MCF2L2: variants seen among roughly 807,000 people sequenced by gnomAD.
MCF2L2 encodes probable guanine nucleotide exchange factor MCF2L2.
In MCF2L2, 102 loss-of-function variants were observed where a neutral mutation model predicts 150.2. The observed-to-expected ratio is 0.68, with a 90% confidence interval of 0.58 to 0.80. The LOEUF (loss-of-function observed/expected upper bound fraction) is 0.80. MCF2L2 is among the 30% of genes least tolerant of loss of function. The pLI, the probability that MCF2L2 is intolerant of heterozygous loss-of-function variation, is 0.00. For synonymous variants in MCF2L2, 465 were observed against 491.3 expected, an observed-to-expected ratio of 0.95 and a Z score of 0.71; for missense variants, 1,256 against 1,372.8, an observed-to-expected ratio of 0.91 and a Z score of 1.34.
In MCF2L2 at chr3:183,205,887, T is replaced by C; in HGVS notation, c.2873A>G (p.Asn958Ser). 5 of 1,613,582 alleles carry C rather than the reference T, an allele frequency of 3.1e-6. No individual in the cohort carries two copies. The highest frequency in any genetic ancestry group is 4.2e-6 in the Non-Finnish European group (5 of 1,179,490). Residue 958 changes from asparagine to serine, a missense_variant, in exon 25 of 30, where the codon AAT (asparagine) becomes AGT (serine). By Grantham distance (46) the Asn-to-Ser change is conservative (BLOSUM62 1). Transcript: ENST00000328913. ...EISKLLMEQQ[N>S]NIKDQGNPQF... The stretch of plus-strand genomic sequence containing the variant: ...CAGGGGTAACCTACCTTTGATATTA[T>C]TTTGTTGTTCCATCAATAATTTACT...
chr3:183,342,658 GTGTGTGTGTGTGTA>G (rs1234519140), intron 3 of MCF2L2, among the ~76,000 whole-genome samples: 1 of 138,462 alleles, frequency 7.2e-6, no homozygotes, highest in Non-Finnish European at 1.5e-5. Flanking sequence ...GTGTGTGTGT[GTGTGTGTGTGTGTA>G]TGCATATATG....
intron 1 of MCF2L2, among the ~76,000 whole-genome samples, chr3:183,397,304 C>G (rs1714520191): frequency 6.6e-6 from 1 of 152,226 alleles, no homozygotes; most frequent in Non-Finnish European, 1.5e-5. Flanking sequence ...AGGACTTCCT[C>G]TCTGCTTCCA....
intron 2 of MCF2L2, among the ~76,000 whole-genome samples, chr3:183,381,183 C>T (rs1459212589): frequency 6.6e-6 from 1 of 152,158 alleles, no homozygotes; most frequent in Non-Finnish European, 1.5e-5. Context: ...AAGGCAAGGC[C>T]AACTACAAAT....
chr3:183,203,372 A>G (rs1722363404), intron 25 of MCF2L2, among the ~76,000 whole-genome samples: 1 of 152,234 alleles, frequency 6.6e-6, no homozygotes, highest in Non-Finnish European at 1.5e-5. Flanking sequence ...CTCATTAAAT[A>G]GAAAATATAA....
intron 10 of MCF2L2, among the ~76,000 whole-genome samples, chr3:183,300,403 A>T (rs1301888018): frequency 6.6e-6 from 1 of 152,246 alleles, no homozygotes; most frequent in African/African-American, 2.4e-5. Context: ...GAACAACAGC[A>T]GTCATTCATT....
At chr3:183,317,821 C>A (rs575674039) in intron 7 of MCF2L2, among the ~76,000 whole-genome samples, 31 of 152,252 alleles carry the variant, frequency 2.0e-4, no homozygotes, top group African/African-American at 7.2e-4. Flanking sequence ...GTTCTTCACT[C>A]ACCACCCAGT....
chr3:183,250,582 G>A (rs544632304), intron 15 of MCF2L2, among the ~76,000 whole-genome samples: 22 of 146,486 alleles, frequency 1.5e-4, no homozygotes, highest in East Asian at 1.2e-3. Context: ...GCGATACTTC[G>A]TTTCAAAAAA....
chr3:183,285,272 A>C (rs1044176225), intron 14 of MCF2L2, among the ~76,000 whole-genome samples: 1 of 152,230 alleles, frequency 6.6e-6, no homozygotes, highest in Admixed American at 6.5e-5. Context: ...GCCACCTGTG[A>C]AATTGCTATG....
chr3:183,416,799 A>G (rs1288318816), intron 1 of MCF2L2, among the ~76,000 whole-genome samples: 2 of 152,132 alleles, frequency 1.3e-5, no homozygotes, highest in East Asian at 1.9e-4. Flanking sequence ...TTTATATTGT[A>G]TTAGGTATTA....
At position 183,309,764 on chromosome 3, in the gene MCF2L2, G is replaced by C; in HGVS notation, c.1065C>G (p.His355Gln). 1 of 1,613,726 alleles carries C rather than the reference G, an allele frequency of 6.2e-7. No individual in the cohort carries two copies. The highest frequency in any genetic ancestry group is 1.1e-5 in the South Asian group (1 of 91,064). The change falls in exon 10 of 30, where the codon CAC becomes CAG. Residue 355 changes from histidine to glutamine, a missense_variant. His to Gln is a conservative substitution (Grantham distance 24). Transcript: ENST00000328913. ...TGTGTTCCTTAAGAATCTGCTCCAC[G>C]TGCATCACGCTGTCTCCAATGCCTG... ...EFTGIGDSVM[H>Q]VEQILKEHKK... is the part of the protein sequence containing the mutation.
At chr3:183,230,891 A>T in intron 16 of MCF2L2, 60 bp downstream of exon 16, 1 of 1,331,924 alleles carries the variant, frequency 7.5e-7, no homozygotes, top group Non-Finnish European at 1.1e-6. Flanking sequence ...GTCTCTTTGT[A>T]CAACAAAACA....
chr3:183,180,677 G>A (rs907820350), intron 27 of MCF2L2, among the ~76,000 whole-genome samples: 1 of 152,204 alleles, frequency 6.6e-6, no homozygotes, highest in South Asian at 2.1e-4. Flanking sequence ...TGTCTATGGC[G>A]CACATGTTAC....
At chr3:183,272,799 T>C (rs2108451669) in intron 15 of MCF2L2, 6 of 1,170,262 alleles carry the variant, frequency 5.1e-6, no homozygotes, top group Non-Finnish European at 6.4e-6. Flanking sequence ...TGTGTATCTA[T>C]ACTTGGAAGT....
At chr3:183,290,541 CT>C (rs1409979114) in intron 13 of MCF2L2, among the ~76,000 whole-genome samples, 63 of 145,868 alleles carry the variant, frequency 4.3e-4, no homozygotes, top group African/African-American at 4.8e-4. Flanking sequence ...TTCTTTCTTT[CT>C]TTTTTTTTTT....
chr3:183,270,100 A>G lies in MCF2L2; in HGVS notation c.1862+6772T>C, dbSNP rs1726605902. Reference sequence around the variant, plus strand: ...TTTGTAAAAACTGCTCCTGAAAACTATGATCGACGTTCCGGAATTAGAAGG... The same window carrying G: ...TTTGTAAAAACTGCTCCTGAAAACTGTGATCGACGTTCCGGAATTAGAAGG... On this transcript the variant is annotated intron_variant, in intron 15 of 29. Coordinates refer to ENST00000328913, the MANE Select transcript of MCF2L2 (RefSeq NM_015078.4). This position sits in a 1 kb window ranked among gnomAD's most constrained non-coding sequence, Gnocchi z 4.5. The G allele has an allele frequency of 1.2e-6, 2 of 1,614,196 alleles. No individual in the cohort carries two copies. The highest frequency in any genetic ancestry group is 1.1e-5 in the South Asian group (1 of 91,076).
At chr3:183,306,094 C>T (rs575384943) in intron 10 of MCF2L2, among the ~76,000 whole-genome samples, 15 of 152,292 alleles carry the variant, frequency 9.8e-5, no homozygotes, top group South Asian at 4.1e-4. Flanking sequence ...AGAAAGGCTA[C>T]GAAACGTGAC....
At chr3:183,326,137 A>G (rs868212672) in intron 5 of MCF2L2, among the ~76,000 whole-genome samples, 6 of 90,896 alleles carry the variant, frequency 6.6e-5, no homozygotes, top group African/African-American at 3.4e-4. Flanking sequence ...ATCAATGGGA[A>G]AAAAAAAGCA....
At chr3:183,358,396 AT>A (rs1237582910) in intron 3 of MCF2L2, among the ~76,000 whole-genome samples, 5 of 152,212 alleles carry the variant, frequency 3.3e-5, no homozygotes, top group African/African-American at 7.2e-5. Context: ...TAAACTGTTG[AT>A]GCTCCATGCT....
At chr3:183,239,095 C>G (rs1457673751) in intron 15 of MCF2L2, among the ~76,000 whole-genome samples, 1 of 151,326 alleles carries the variant, frequency 6.6e-6, no homozygotes, top group Non-Finnish European at 1.5e-5. Context: ...TGGGAGTATT[C>G]AAGTAATTAA....
Sources: allele counts gnomAD v4.1 joint callset (sites outside exome capture counted in the v4.1 genomes callset), GRCh38; gene constraint gnomAD v4.1.1; non-coding constraint Gnocchi (gnomAD v3.1); transcripts MANE v1.5; gene names NCBI Gene and HGNC (gene_info 2026-07-23, HGNC 2026-07-21).